The following LYAR variants were observed in gnomAD, a reference collection of about 807,000 sequenced individuals.
LYAR encodes the protein cell growth-regulating nucleolar protein.
Under a neutral mutation model 45.2 loss-of-function variants are expected in LYAR, and 37 were observed. The ratio of observed to expected loss-of-function variants is 0.82; its 90% CI spans 0.63 to 1.08. The LOEUF (loss-of-function observed/expected upper bound fraction) is 1.08. Ranked by LOEUF, LYAR falls within the 50% of genes least tolerant of loss-of-function variation. The pLI is 0.00. For synonymous variants in LYAR, 176 were observed against 155.1 expected, an observed-to-expected ratio of 1.14 and a Z score of -1.00; for missense variants, 493 against 451.0, an observed-to-expected ratio of 1.09 and a Z score of -0.84.
intron 8 of LYAR, 132 bp downstream of exon 8, chr4:4,273,451 C>T (rs1053663456): frequency 3.0e-5 from 19 of 625,800 alleles, no homozygotes; most frequent in Non-Finnish European, 5.1e-5. Context: ...GAAAGTGGTA[C>T]GCCCATGGCT....
chr4:4,283,865 A>C (rs1435239045), intron 2 of LYAR, 70 bp from the exon 3 acceptor site: 2 of 643,816 alleles, frequency 3.1e-6, no homozygotes, highest in East Asian at 2.8e-5. Flanking sequence ...CATGCCCCTA[A>C]CTTTTCAACC....
intron 2 of LYAR, among the ~76,000 whole-genome samples, chr4:4,286,290 T>G (rs1198980680): frequency 6.6e-6 from 1 of 152,212 alleles, no homozygotes; most frequent in Non-Finnish European, 1.5e-5. Context: ...ACCTGTAATT[T>G]ATGCCATAAA....
intron 9 of LYAR, among the ~76,000 whole-genome samples, 167 bp downstream of exon 9, chr4:4,268,363 C>G (rs1468066957): frequency 1.3e-5 from 2 of 152,188 alleles, no homozygotes; most frequent in African/African-American, 2.4e-5. Flanking sequence ...AATCTAGGCA[C>G]CACCCTGGCT....
intron 1 of LYAR, 74 bp from the exon 2 acceptor site, chr4:4,286,646 C>CTATTTTT: frequency 7.8e-6 from 1 of 128,592 alleles, no homozygotes; most frequent in African/African-American, 2.9e-5. Context: ...TTTAATTAAA[C>CTATTTTT]TTTTTTTTTT....
chr4:4,268,048 A>T, intron 9 of LYAR, 25 bp from the exon 10 acceptor site: 1 of 1,541,396 alleles, frequency 6.5e-7, no homozygotes, highest in Non-Finnish European at 8.7e-7. Flanking sequence ...ACATCAAATG[A>T]GTGTATTTGA....
chr4:4,272,491 A>G (rs1178285705), intron 8 of LYAR, among the ~76,000 whole-genome samples: 1 of 152,244 alleles, frequency 6.6e-6, no homozygotes, highest in African/African-American at 2.4e-5. Context: ...AATGAGGCAC[A>G]GTAAAAGATT....
Position 4,283,771 on chromosome 4 carries a change from T to C in LYAR, c.-29A>G, listed in dbSNP as rs750032987. ...TAGGTAAATGGCTAAATATTCTCTA[T>C]CCAAGACAGGTTTTAAGTCTTGTCC... On this transcript the variant is annotated 5_prime_UTR_variant, in exon 3 of 10. Transcript: ENST00000343470. The C allele has an allele frequency of 5.0e-6, 8 of 1,585,092 alleles. No individual in the cohort carries two copies. The Admixed American group carries it at 1.4e-4, about 27-fold the overall frequency.
At chr4:4,283,474 C>G in intron 3 of LYAR, 147 bp downstream of exon 3, 1 of 832,878 alleles carries the variant, frequency 1.2e-6, no homozygotes, top group Non-Finnish European at 1.8e-6. Flanking sequence ...GAAAGAATCA[C>G]ACCAGTTTTA....
chr4:4,268,853 C>T, intron 8 of LYAR: 1 of 409,544 alleles, frequency 2.4e-6, no homozygotes, highest in Non-Finnish European at 4.3e-6. Context: ...ATGACAAACT[C>T]CTAGATAGAG....
At chr4:4,268,788 C>T in intron 8 of LYAR, 173 bp from the exon 9 acceptor site, 1 of 550,240 alleles carries the variant, frequency 1.8e-6, no homozygotes, top group Non-Finnish European at 3.2e-6. Context: ...GAAGCACTCA[C>T]TACCCTTCAA....
At chr4:4,269,620 T>C (rs930108383) in intron 8 of LYAR, among the ~76,000 whole-genome samples, 1 of 151,940 alleles carries the variant, frequency 6.6e-6, no homozygotes, top group Non-Finnish European at 1.5e-5. Context: ...GAGCCTGGAC[T>C]TCCGCCCCCA....
Position 4,274,620 on chromosome 4 carries a change from T to C in LYAR, c.579A>G (p.Glu193=), listed in dbSNP as rs911342280. The part of the protein sequence containing the change: ...EVKKNKRERK[E]ERQKKRKREK... ...CTCTTTTCCTTTTCTTCTGCCGTTC[T>C]TCCTTTCTTTCTCTTTTATTCTTCT... is the stretch of plus-strand genomic sequence containing the variant. The change falls in exon 7 of 10, where the codon GAA becomes GAG. Residue 193 remains glutamate (E), a synonymous_variant. Transcript: ENST00000343470. 3 of 1,614,020 alleles carry C rather than the reference T, an allele frequency of 1.9e-6. No homozygotes were observed. The African/African-American group carries it at 4.0e-5, about 22-fold the overall frequency.
chr4:4,287,326 C>T (rs547802132), intron 1 of LYAR, among the ~76,000 whole-genome samples: 7 of 152,316 alleles, frequency 4.6e-5, no homozygotes, highest in African/African-American at 1.7e-4. Flanking sequence ...TAACTCAATT[C>T]GGCAGACATT....
rs535704483 is a variant in LYAR, at chr4:4,269,363, G to GA, written c.920-749dup. ...AACCCTACTGCAGCCACACATCACA[G>GA]AAAAAACGGTGGCTCCACCCCCACC... On this transcript the variant is annotated intron_variant, in intron 8 of 9. Coordinates refer to ENST00000343470, the MANE Select transcript of LYAR (RefSeq NM_017816.3). Among the ~76,000 whole-genome samples the GA allele has an allele frequency of 1.4e-4, 21 of 152,300 alleles. No homozygotes were observed. The East Asian group carries it at 4.1e-3, about 29-fold the overall frequency.
chr4:4,279,844 G>A (rs773315332), intron 4 of LYAR, 95 bp from the exon 5 acceptor site: 177 of 734,078 alleles, frequency 2.4e-4, no homozygotes, highest in Non-Finnish European at 3.4e-4. Context: ...TGGCTAAAGC[G>A]TTCACGTTTT....
chr4:4,268,848 A>G (rs1288553796), intron 8 of LYAR: 2 of 422,854 alleles, frequency 4.7e-6, no homozygotes, highest in East Asian at 4.0e-5. Flanking sequence ...TTGGCATGAC[A>G]AACTCCTAGA....
intron 6 of LYAR, among the ~76,000 whole-genome samples, 200 bp downstream of exon 6, chr4:4,279,247 T>C (rs551754408): frequency 1.2e-4 from 18 of 152,162 alleles, no homozygotes; most frequent in Non-Finnish European, 1.9e-4. Flanking sequence ...ACACGAGAAT[T>C]GCTTGAACCC....
chr4:4,268,491 C>T (rs767925539), intron 9 of LYAR, 39 bp downstream of exon 9: 1 of 1,294,468 alleles, frequency 7.7e-7, no homozygotes, highest in South Asian at 1.3e-5. Context: ...ATAAGTTCTC[C>T]CCAGCTGTTA....
At chr4:4,275,011 T>G (rs768181077) in intron 6 of LYAR, among the ~76,000 whole-genome samples, 1 of 152,184 alleles carries the variant, frequency 6.6e-6, no homozygotes, top group Non-Finnish European at 1.5e-5. Context: ...TTCATTCCAC[T>G]GGAAAAGTGA....
Sources: gnomAD v4.1 joint callset for allele counts (sites outside exome capture counted in the v4.1 genomes callset) on GRCh38, gnomAD v4.1.1 for gene constraint, MANE v1.5 for transcripts, NCBI Gene and HGNC (gene_info 2026-07-23, HGNC 2026-07-21) for gene names.